Variants in ACKR3 observed in about 807,000 individuals in gnomAD.
The protein encoded by ACKR3 is atypical chemokine receptor 3, also known as C-X-C chemokine receptor type 7.
Under a neutral mutation model 22.4 loss-of-function variants are expected in ACKR3, and 6 were observed. The ratio of observed to expected loss-of-function variants is 0.27; its 90% confidence interval spans 0.15 to 0.53. The LOEUF (loss-of-function observed/expected upper bound fraction) is 0.53, where lower values mean the gene tolerates loss of function less well. Ranked by LOEUF, ACKR3 falls within the 20% of genes least tolerant of loss-of-function variation. ACKR3 has a pLI of 0.96. For synonymous variants in ACKR3, 209 were observed against 205.2 expected (o/e 1.02, Z -0.16); for missense variants, 396 against 475.2 (o/e 0.83, Z 1.55).
the ACKR3 span, among the ~76,000 whole-genome samples, chr2:236,555,166 G>C: frequency 0.012 from 1,858 of 152,314 alleles, 36 homozygotes; most frequent in African/African-American, 0.041. Context: ...GGTCTCACCT[G>C]ACAGCCCTTC....
the ACKR3 span, among the ~76,000 whole-genome samples, chr2:236,560,686 A>C: frequency 1.3e-5 from 2 of 152,234 alleles, no homozygotes; most frequent in African/African-American, 4.8e-5. Flanking sequence ...AGTTTGATAT[A>C]ATCTCAGTTG....
At chr2:236,576,562 A>T (rs1488849633) in intron 1 of ACKR3, among the ~76,000 whole-genome samples, 1 of 152,198 alleles carries the variant, frequency 6.6e-6, no homozygotes, top group African/African-American at 2.4e-5. Context: ...AGGGATTCTG[A>T]GAGTGTCACT....
In ACKR3 at chr2:236,574,123, G is replaced by A. The variant is rs1170877090; in HGVS notation, c.-27+4199G>A. 1.3e-5 allele frequency among the ~76,000 whole-genome samples: 2 copies of A among 151,868 alleles called. No individual in the cohort carries two copies. Among genetic ancestry groups the A allele is most frequent in the Admixed American group, 1.3e-4 (2 of 15,274 alleles). ...GGCGGGGTCTCGGGGGTTGGGGGGA[G>A]ATGTTTCTGATTTGTTGTCCTCACG... On this transcript the variant is annotated intron_variant, in intron 1 of 1. Coordinates refer to ENST00000272928, the MANE Select transcript of ACKR3 (RefSeq NM_020311.3). The surrounding 1 kb of genome is among the most constrained non-coding windows in gnomAD (Gnocchi z 5.6).
rs537487239 is a variant in ACKR3 at position 236,578,660 on chromosome 2, C to T, written c.-26-1780C>T. Among the ~76,000 whole-genome samples the T allele has an allele frequency of 4.6e-5, 7 of 152,198 alleles. No homozygotes were observed. The East Asian group carries it at 5.8e-4, about 13-fold the overall frequency. On this transcript the variant is annotated intron_variant, in intron 1 of 1. Coordinates refer to ENST00000272928, the MANE Select transcript of ACKR3 (RefSeq NM_020311.3). ...AACAGTCTCCGCTAAGTGGGGTTCACGCCAGGTCCTCTGCTGTGAATGTGG... is the reference window on the plus strand; with the variant it reads ...AACAGTCTCCGCTAAGTGGGGTTCATGCCAGGTCCTCTGCTGTGAATGTGG...
the ACKR3 span, among the ~76,000 whole-genome samples, chr2:236,554,041 C>T: frequency 2.6e-5 from 4 of 152,232 alleles, no homozygotes; most frequent in South Asian, 4.2e-4. Context: ...GAGTGACTCA[C>T]GAGCCTCAGG....
At chr2:236,580,088 G>A (rs1466828531) in intron 1 of ACKR3, among the ~76,000 whole-genome samples, 3 of 152,194 alleles carry the variant, frequency 2.0e-5, no homozygotes, top group Admixed American at 6.5e-5. Flanking sequence ...CGCGGTGGCC[G>A]GGGCTCAGCT....
intron 1 of ACKR3, among the ~76,000 whole-genome samples, chr2:236,579,802 C>A (rs993235663): frequency 2.6e-5 from 4 of 152,198 alleles, no homozygotes; most frequent in Non-Finnish European, 5.9e-5. Flanking sequence ...CTGTGGGGCA[C>A]CCTGCGTAGG....
intron 1 of ACKR3, among the ~76,000 whole-genome samples, chr2:236,580,146 G>C (rs1300824009): frequency 6.6e-6 from 1 of 152,214 alleles, no homozygotes; most frequent in Admixed American, 6.5e-5. Context: ...CACACACTGG[G>C]CACAGCCATG....
At chr2:236,570,799 T>G (rs1374479226) in intron 1 of ACKR3, among the ~76,000 whole-genome samples, 1 of 152,152 alleles carries the variant, frequency 6.6e-6, no homozygotes, top group Non-Finnish European at 1.5e-5. Flanking sequence ...CCAGGGAGAA[T>G]GAGAAGTTGT....
In ACKR3 at chr2:236,582,181, A is replaced by G. The variant is rs1691557007; in HGVS notation, c.*627A>G. 6.0e-6 allele frequency: 1 copy of G among 166,974 alleles called. No individual in the cohort carries two copies. 10.3% of individuals were successfully genotyped at this position (166,974 alleles called of 1,614,324 possible). The stretch of plus-strand genomic sequence containing the variant: ...GTACCGGCACGGGATATGGAACGAA[A>G]ACTGCTTTGTAATGCAGTTTGTGAC... On this transcript the variant is annotated 3_prime_UTR_variant, in exon 2 of 2. Coordinates refer to ENST00000272928, the MANE Select transcript of ACKR3 (RefSeq NM_020311.3).
chr2:236,568,871 C>T (rs34135799), upstream of ACKR3, among the ~76,000 whole-genome samples: 10,044 of 152,286 alleles, frequency 0.066, 432 homozygotes, highest in Non-Finnish European at 0.11. Flanking sequence ...TTGAGCCGCT[C>T]TTTAAGAACT....
the ACKR3 span, among the ~76,000 whole-genome samples, chr2:236,549,149 C>A: frequency 6.6e-6 from 1 of 152,222 alleles, no homozygotes; most frequent in African/African-American, 2.4e-5. The surrounding 1 kb of genome is among the most constrained non-coding windows in gnomAD (Gnocchi z 5.3). Context: ...AGCAGAGACA[C>A]TTTTCAGGTC....
Position 236,580,702 on chromosome 2 carries a change from G to T in ACKR3, c.237G>T (p.Thr79=), listed in dbSNP as rs368363375. 5.6e-6 allele frequency: 9 copies of T among 1,614,032 alleles called. 1 individual carries two copies. The East Asian group carries it at 6.7e-5, about 12-fold the overall frequency. The change falls in exon 2 of 2, where the codon ACG becomes ACT. Residue 79 remains threonine (T), a synonymous_variant. Coordinates refer to ENST00000272928, the MANE Select transcript of ACKR3 (RefSeq NM_020311.3). ...NIQAKTTGYD[T]HCYILNLAIA... Reference sequence around the variant, plus strand: ...AGGCCAAGACCACAGGCTATGACACGCACTGCTACATCTTGAACCTGGCCA... The same window carrying T: ...AGGCCAAGACCACAGGCTATGACACTCACTGCTACATCTTGAACCTGGCCA...
chr2:236,544,520 T>C, the ACKR3 span, among the ~76,000 whole-genome samples: 33,914 of 152,046 alleles, frequency 0.22, 5,318 homozygotes, highest in African/African-American at 0.45. This position sits in a 1 kb window ranked among gnomAD's most constrained non-coding sequence, Gnocchi z 5.0. Flanking sequence ...GGGGCTGCTG[T>C]GCGAGCACAG....
In ACKR3 at chr2:236,580,602, C is replaced by T. The variant is rs200114828; in HGVS notation, c.137C>T (p.Thr46Met). The stretch of plus-strand genomic sequence containing the variant: ...CCCAACAAAAGCGTCCTGCTCTACA[C>T]GCTCTCCTTCATTTACATTTTCATC... ...NMPNKSVLLY[T>M]LSFIYIFIFV... The change falls in exon 2 of 2, where the codon ACG becomes ATG. Residue 46 changes from threonine to methionine, a missense_variant. Coordinates refer to ENST00000272928, the MANE Select transcript of ACKR3 (RefSeq NM_020311.3). The T allele has an allele frequency of 3.7e-5, 60 of 1,613,632 alleles. No homozygotes were observed. The highest frequency in any genetic ancestry group is 1.3e-4 in the South Asian group (12 of 91,018).
Position 236,574,510 on chromosome 2 carries a change from A to C in ACKR3, c.-27+4586A>C, listed in dbSNP as rs1691368584. Among the ~76,000 whole-genome samples, 1 of 152,144 alleles carries C rather than the reference A, an allele frequency of 6.6e-6. No individual in the cohort carries two copies. The highest frequency in any genetic ancestry group is 1.5e-5 in the Non-Finnish European group (1 of 68,016). The stretch of plus-strand genomic sequence containing the variant: ...GAGAATCAGAAGGGCAGAGGGCATC[A>C]GTTGGGAAGAGTCTGTGGTTGGAGA... On this transcript the variant is annotated intron_variant, in intron 1 of 1. Coordinates refer to ENST00000272928, the MANE Select transcript of ACKR3 (RefSeq NM_020311.3). This position sits in a 1 kb window ranked among gnomAD's most constrained non-coding sequence, Gnocchi z 5.6.
upstream of ACKR3, chr2:236,567,647 G>A (rs1387701616): frequency 6.6e-6 from 1 of 152,396 alleles, no homozygotes; most frequent in Non-Finnish European, 1.5e-5. Flanking sequence ...TCCTCCCAGG[G>A]TGGGAGCCTG....
chr2:236,547,089 T>C, the ACKR3 span, among the ~76,000 whole-genome samples: 6 of 152,190 alleles, frequency 3.9e-5, no homozygotes, highest in African/African-American at 1.4e-4. Context: ...ATGGCATCCA[T>C]CACCCCTGTC....
the ACKR3 span, among the ~76,000 whole-genome samples, chr2:236,542,519 A>C: frequency 6.6e-6 from 1 of 152,176 alleles, no homozygotes; most frequent in African/African-American, 2.4e-5. Context: ...AATTTGCAAT[A>C]TCATGTAGAG....
Sources: gnomAD v4.1 joint callset for allele counts (sites outside exome capture counted in the v4.1 genomes callset) on GRCh38, gnomAD v4.1.1 for gene constraint, Gnocchi (gnomAD v3.1) non-coding constraint, MANE v1.5 for transcripts, NCBI Gene and HGNC (gene_info 2026-07-23, HGNC 2026-07-21) for gene names.